HNRNPC: variants seen among roughly 807,000 people sequenced by gnomAD.
The protein encoded by HNRNPC is heterogeneous nuclear ribonucleoproteins C1/C2.
Under a neutral mutation model 33.2 loss-of-function variants are expected in HNRNPC, and 3 were observed. The observed-to-expected ratio is 0.09, with a 90% CI of 0.04 to 0.23. The LOEUF is 0.23. HNRNPC is among the 10% of genes least tolerant of loss of function. HNRNPC has a pLI of 1.00. For synonymous variants in HNRNPC, 121 were observed against 126.7 expected, an observed-to-expected ratio of 0.96 and a Z score of 0.30; for missense variants, 143 against 366.7, an observed-to-expected ratio of 0.39 and a Z score of 4.98.
chr14:21,256,012 G>A (rs553630482), intron 2 of HNRNPC, among the ~76,000 whole-genome samples: 1 of 152,182 alleles, frequency 6.6e-6, no homozygotes, highest in Non-Finnish European at 1.5e-5. Flanking sequence ...CAGTTAAGAA[G>A]GCCAGTGTGG....
chr14:21,217,168 GGA>G (rs1892280172), intron 5 of HNRNPC, among the ~76,000 whole-genome samples: 1 of 152,154 alleles, frequency 6.6e-6, no homozygotes, highest in Non-Finnish European at 1.5e-5. Context: ...TCACATCTGA[GGA>G]AGTAGTCCTT....
intron 2 of HNRNPC, among the ~76,000 whole-genome samples, chr14:21,235,216 C>A (rs565641064): frequency 6.6e-6 from 1 of 152,128 alleles, no homozygotes; most frequent in African/African-American, 2.4e-5. Context: ...CCACTCCAAC[C>A]CCCAATCTTG....
intron 5 of HNRNPC, among the ~76,000 whole-genome samples, chr14:21,215,818 G>T (rs1259760697): frequency 1.3e-5 from 2 of 149,504 alleles, no homozygotes; most frequent in Non-Finnish European, 1.5e-5. Context: ...AGAATTGCTT[G>T]AATCTGGAAG....
At chr14:21,228,631 A>T (rs1213007408) in intron 5 of HNRNPC, among the ~76,000 whole-genome samples, 1 of 151,872 alleles carries the variant, frequency 6.6e-6, no homozygotes, top group Non-Finnish European at 1.5e-5. Flanking sequence ...TGACCTCATG[A>T]TCCACCTGCC....
Position 21,251,540 on chromosome 14 carries a change from G to A in HNRNPC, c.-37+11771C>T, listed in dbSNP as rs541289037. Reference sequence around the variant, plus strand: ...CTAAAAATACAAAATCTAGCCAAGCGTGGTAGTGGTGGGTGCCTGTAATCC... The same window carrying A: ...CTAAAAATACAAAATCTAGCCAAGCATGGTAGTGGTGGGTGCCTGTAATCC... On this transcript the variant is annotated intron_variant, in intron 2 of 8. Transcript: ENST00000553300. Among the ~76,000 whole-genome samples the A allele has an allele frequency of 6.6e-5, 10 of 152,132 alleles. No individual in the cohort carries two copies. The South Asian group carries it at 1.5e-3, about 22-fold the overall frequency.
rs369079843 is a variant in HNRNPC at position 21,251,677 on chromosome 14, C to CA, written c.-37+11633dup. ...AGCCTGGGCAACAGAGACTCCGTCT[C>CA]AAAAAAAAAAGACACACGTATTAGG... On this transcript the variant is annotated intron_variant, in intron 2 of 8. Coordinates refer to ENST00000553300, the MANE Select transcript of HNRNPC (RefSeq NM_004500.4). Among the ~76,000 whole-genome samples, 1,139 of 145,688 alleles carry CA rather than the reference C, an allele frequency of 7.8e-3. 16 individuals carry two copies. Among genetic ancestry groups the CA allele is most frequent in the African/African-American group, 0.025 (1,008 of 39,594 alleles).
intron 2 of HNRNPC, among the ~76,000 whole-genome samples, chr14:21,245,181 A>T (rs879508781): frequency 1.3e-5 from 2 of 152,088 alleles, no homozygotes; most frequent in African/African-American, 2.4e-5. Flanking sequence ...GAAAAGGTAC[A>T]GTAAAAATAC....
At chr14:21,232,390 T>A (rs187358094) in intron 3 of HNRNPC, among the ~76,000 whole-genome samples, 220 of 152,186 alleles carry the variant, frequency 1.4e-3, no homozygotes, top group African/African-American at 5.0e-3. Flanking sequence ...AGTGTGGGTA[T>A]TTTTTTAGAC....
intron 5 of HNRNPC, among the ~76,000 whole-genome samples, chr14:21,226,907 G>GA (rs1893528994): frequency 2.7e-5 from 3 of 112,920 alleles, no homozygotes; most frequent in Admixed American, 1.8e-4. Flanking sequence ...GGGGGGGGGG[G>GA]ACAGTGATTT....
At chr14:21,215,585 T>A (rs1037687202) in intron 5 of HNRNPC, among the ~76,000 whole-genome samples, 4 of 152,182 alleles carry the variant, frequency 2.6e-5, no homozygotes, top group Non-Finnish European at 5.9e-5. Context: ...TCTAGAGACA[T>A]TAATCACCTG....
At chr14:21,229,128 C>T (rs904337938) in intron 5 of HNRNPC, among the ~76,000 whole-genome samples, 3 of 150,274 alleles carry the variant, frequency 2.0e-5, no homozygotes, top group South Asian at 2.1e-4. Context: ...TGGTGGCTCA[C>T]GCCTGTAATC....
At chr14:21,256,885 C>T (rs902865651) in intron 2 of HNRNPC, among the ~76,000 whole-genome samples, 2 of 152,114 alleles carry the variant, frequency 1.3e-5, no homozygotes, top group African/African-American at 4.8e-5. Context: ...AACCCCTGAG[C>T]TCAAGCGATG....
At chr14:21,246,176 A>C (rs1245740286) in intron 2 of HNRNPC, among the ~76,000 whole-genome samples, 2 of 152,084 alleles carry the variant, frequency 1.3e-5, no homozygotes, top group Non-Finnish European at 2.9e-5. Context: ...TCATTCACCA[A>C]AACATCTATG....
chr14:21,230,527 A>G (rs1467094469), intron 4 of HNRNPC, 161 bp from the exon 5 acceptor site: 1 of 616,824 alleles, frequency 1.6e-6, no homozygotes. Context: ...CTCAATTCCA[A>G]TCACCTTAGA....
chr14:21,255,800 A>C (rs1877082963), intron 2 of HNRNPC, among the ~76,000 whole-genome samples: 1 of 152,226 alleles, frequency 6.6e-6, no homozygotes, highest in South Asian at 2.1e-4. Flanking sequence ...ACATAGAAAA[A>C]AACAAATTCT....
intron 5 of HNRNPC, among the ~76,000 whole-genome samples, chr14:21,229,938 G>C (rs1893925704): frequency 6.6e-6 from 1 of 152,164 alleles, no homozygotes; most frequent in Non-Finnish European, 1.5e-5. Context: ...AACTGAGACT[G>C]ATGTTATCAG....
At chr14:21,224,613 T>C (rs530905148) in intron 5 of HNRNPC, among the ~76,000 whole-genome samples, 1 of 152,282 alleles carries the variant, frequency 6.6e-6, no homozygotes, top group Non-Finnish European at 1.5e-5. Context: ...ATTCCAACAT[T>C]TACAATGTTT....
chr14:21,231,011 T>C lies in HNRNPC; in HGVS notation c.303A>G (p.Ala101=). ...NRGKAGVKRS[A]AEMYGSSFDL... is the part of the protein sequence containing the mutation. ...CTGTTACTGACCCGTACATCTCCGC[T>C]GCAGATCGTTTCACACCTGCTTTTC... is the stretch of plus-strand genomic sequence containing the variant. Residue 101 remains alanine, a synonymous_variant, in exon 4 of 9, where the codon GCA becomes GCG. Coordinates refer to ENST00000553300, the MANE Select transcript of HNRNPC (RefSeq NM_004500.4). 1 of 1,614,234 alleles carries C rather than the reference T, an allele frequency of 6.2e-7. No individual in the cohort carries two copies.
At chr14:21,267,786 T>C (rs1879266436) in intron 1 of HNRNPC, among the ~76,000 whole-genome samples, 1 of 152,174 alleles carries the variant, frequency 6.6e-6, no homozygotes, top group African/African-American at 2.4e-5. Flanking sequence ...GTCAATCAAT[T>C]TCAACTACTA....
Sources: gnomAD v4.1 joint callset for allele counts (sites outside exome capture counted in the v4.1 genomes callset) on GRCh38, gnomAD v4.1.1 for gene constraint, MANE v1.5 for transcripts, NCBI Gene and HGNC (gene_info 2026-07-23, HGNC 2026-07-21) for gene names.